Variants in CERK observed in about 807,000 individuals in gnomAD.
CERK encodes the protein acylsphingosine kinase.
CERK carries 39 observed loss-of-function variants against 63.4 expected under a neutral mutation model. The observed-to-expected ratio is 0.61, with a 90% CI of 0.48 to 0.80. The LOEUF is 0.80. CERK is among the 30% of genes least tolerant of loss of function. The pLI is 0.00. For synonymous variants in CERK, 302 were observed against 280.0 expected (o/e 1.08, Z -0.78); for missense variants, 670 against 714.1 (o/e 0.94, Z 0.70).
rs1034204387 is a variant in CERK, at chr22:46,685,263, G to A, written c.*1871C>T. 6.6e-6 allele frequency: 1 copy of A among 152,258 alleles called. No homozygotes were observed. The highest frequency in any genetic ancestry group is 6.5e-5 in the Admixed American group (1 of 15,282). 9.4% of individuals were successfully genotyped at this position (152,258 alleles called of 1,614,324 possible). A position where few individuals can be genotyped will look rare whatever the true frequency, so the allele number is the denominator to read the frequency against. ...GTTGTGTATTTTTAGTAGAGACGAG[G>A]TTTCACCATGTTGGGCAGGCTGATC... On this transcript the variant is annotated 3_prime_UTR_variant, in exon 13 of 13. Coordinates refer to ENST00000216264, the MANE Select transcript of CERK (RefSeq NM_022766.6).
At chr22:46,731,380 G>A (rs2082944654) in intron 1 of CERK, among the ~76,000 whole-genome samples, 1 of 152,226 alleles carries the variant, frequency 6.6e-6, no homozygotes, top group African/African-American at 2.4e-5. Context: ...GCAGAGGCCT[G>A]GCGGGAGCTG....
chr22:46,695,679 C>A (rs2082752635), intron 8 of CERK, among the ~76,000 whole-genome samples: 1 of 152,248 alleles, frequency 6.6e-6, no homozygotes, highest in African/African-American at 2.4e-5. Flanking sequence ...ATCCCCTCCA[C>A]CTCTTCATGA....
In CERK at chr22:46,686,678, G is replaced by C. The variant is rs1015097203; in HGVS notation, c.*456C>G. The C allele has an allele frequency of 5.2e-5, 9 of 173,538 alleles. No individual in the cohort carries two copies. The highest frequency in any genetic ancestry group is 2.1e-4 in the African/African-American group (9 of 42,040). The allele number at this position is 173,538 out of a possible 1,614,324, so 10.7% of individuals were successfully genotyped here. Reference sequence around the variant, plus strand: ...AAGAGGAAGGTGAAATGAAGGCAAAGAGAATCAACCACTTCCCAAAACTTG... The same window carrying C: ...AAGAGGAAGGTGAAATGAAGGCAAACAGAATCAACCACTTCCCAAAACTTG... On this transcript the variant is annotated 3_prime_UTR_variant, in exon 13 of 13. Coordinates refer to ENST00000216264, the MANE Select transcript of CERK (RefSeq NM_022766.6).
intron 1 of CERK, among the ~76,000 whole-genome samples, chr22:46,729,766 G>A (rs530952370): frequency 1.8e-4 from 28 of 152,242 alleles, no homozygotes; most frequent in African/African-American, 5.5e-4. Context: ...TTGGCCAGGC[G>A]CGGTGGCTCA....
intron 1 of CERK, 85 bp from the exon 2 acceptor site, chr22:46,721,100 A>G: frequency 1.1e-6 from 1 of 872,332 alleles, no homozygotes. Flanking sequence ...AGCTGAGAAT[A>G]TTCTGCTTTA....
chr22:46,730,189 G>A (rs892366542), intron 1 of CERK, among the ~76,000 whole-genome samples: 14 of 151,758 alleles, frequency 9.2e-5, no homozygotes, highest in East Asian at 3.9e-4. Flanking sequence ...AGGCCAAGGC[G>A]GGCAGATTGC....
chr22:46,686,040 C>T lies in CERK; in HGVS notation c.*1094G>A, dbSNP rs925415690. The T allele has an allele frequency of 3.9e-5, 6 of 152,302 alleles. No individual in the cohort carries two copies. Among genetic ancestry groups the T allele is most frequent in the Middle Eastern group, 3.4e-3 (1 of 294 alleles). 9.4% of individuals were successfully genotyped at this position (152,302 alleles called of 1,614,324 possible). On this transcript the variant is annotated 3_prime_UTR_variant, in exon 13 of 13. Coordinates refer to ENST00000216264, the MANE Select transcript of CERK (RefSeq NM_022766.6). ...CAATTGAGGGGTGCCCCGGGGAGCG[C>T]GGCAGGAATGCCTTCCGGGAAGAAT... is the stretch of plus-strand genomic sequence containing the variant.
chr22:46,697,262 G>A (rs1043800636), intron 8 of CERK, among the ~76,000 whole-genome samples: 2 of 152,130 alleles, frequency 1.3e-5, no homozygotes, highest in South Asian at 2.1e-4. Flanking sequence ...ACCGGGCAGC[G>A]AGAATGGCAC....
At chr22:46,715,315 A>G (rs1283762391) in intron 3 of CERK, among the ~76,000 whole-genome samples, 1 of 152,232 alleles carries the variant, frequency 6.6e-6, no homozygotes, top group Admixed American at 6.5e-5. Flanking sequence ...GTTATTATGC[A>G]CAGCTGACAT....
rs187798885 is a variant in CERK, at chr22:46,708,599, G to A, written c.570-611C>T. Reference sequence around the variant, plus strand: ...TGGGGCATGAGACAATCTAAGGAGAGGAGATGGAGAAAGGGGACAGTGGCT... The same window carrying A: ...TGGGGCATGAGACAATCTAAGGAGAAGAGATGGAGAAAGGGGACAGTGGCT... On this transcript the variant is annotated intron_variant, in intron 5 of 12. Transcript: ENST00000216264. Among the ~76,000 whole-genome samples the A allele has an allele frequency of 7.2e-5, 11 of 152,330 alleles. No individual in the cohort carries two copies. In the East Asian group the frequency reaches 2.1e-3, roughly 29 times the overall value.
intron 7 of CERK, among the ~76,000 whole-genome samples, 176 bp from the exon 8 acceptor site, chr22:46,699,641 T>C (rs1427037668): frequency 6.6e-6 from 1 of 152,242 alleles, no homozygotes; most frequent in Non-Finnish European, 1.5e-5. Flanking sequence ...CCATATTTTT[T>C]ATTCAAATGA....
At position 46,686,896 on chromosome 22, in the gene CERK, G is replaced by C; in HGVS notation, c.*238C>G. The stretch of plus-strand genomic sequence containing the variant: ...ACCTAAGAGGCCAGTGCCCCCAAGT[G>C]AGCAGCTGCATCCGCTGAGAGTAAG... On this transcript the variant is annotated 3_prime_UTR_variant, in exon 13 of 13. Transcript: ENST00000216264. 2.0e-6 allele frequency: 1 copy of C among 501,302 alleles called. No homozygotes were observed. The highest frequency in any genetic ancestry group is 3.6e-6 in the Non-Finnish European group (1 of 277,108). 31.1% of individuals were successfully genotyped at this position (501,302 alleles called of 1,614,324 possible). A position where few individuals can be genotyped will look rare whatever the true frequency, so the allele number is the denominator to read the frequency against.
chr22:46,698,809 G>C (rs1014322954), intron 8 of CERK, among the ~76,000 whole-genome samples: 2 of 152,156 alleles, frequency 1.3e-5, no homozygotes, highest in East Asian at 3.8e-4. Context: ...GCTGAGGTGG[G>C]AGAATCACTT....
chr22:46,712,378 G>C, intron 3 of CERK, 85 bp from the exon 4 acceptor site: 1 of 1,314,846 alleles, frequency 7.6e-7, no homozygotes, highest in Non-Finnish European at 1.1e-6. Context: ...CAAACCATGA[G>C]GGTTTTAGAA....
At chr22:46,695,352 A>G (rs759907770) in intron 8 of CERK, 37 bp from the exon 9 acceptor site, 13 of 1,189,344 alleles carry the variant, frequency 1.1e-5, no homozygotes, top group Admixed American at 3.4e-5. Context: ...AACATCCACA[A>G]GGGTCATTGC....
At chr22:46,693,715 T>C (rs1232870817) in intron 9 of CERK, 9 of 500,906 alleles carry the variant, frequency 1.8e-5, no homozygotes, top group Non-Finnish European at 7.3e-6. Flanking sequence ...TCTAAAAGGT[T>C]TGGACATGAG....
chr22:46,713,029 A>G (rs1363116318), intron 3 of CERK, among the ~76,000 whole-genome samples: 2 of 151,392 alleles, frequency 1.3e-5, no homozygotes, highest in African/African-American at 2.4e-5. Context: ...TATTGTTAGT[A>G]GAGATGGGGT....
At chr22:46,702,200 CA>C (rs1285335760) in intron 6 of CERK, among the ~76,000 whole-genome samples, 1 of 123,268 alleles carries the variant, frequency 8.1e-6, no homozygotes, top group South Asian at 2.6e-4. Context: ...AAAAAGGAGC[CA>C]AAAAGTTAAA....
chr22:46,709,522 A>G (rs1180759610), intron 5 of CERK, among the ~76,000 whole-genome samples: 3 of 152,218 alleles, frequency 2.0e-5, no homozygotes, highest in African/African-American at 7.2e-5. Context: ...TCTCCCTGTC[A>G]GCACCTGGGG....
Sources: gnomAD v4.1 joint callset for allele counts (sites outside exome capture counted in the v4.1 genomes callset) on GRCh38, gnomAD v4.1.1 for gene constraint, MANE v1.5 for transcripts, NCBI Gene and HGNC (gene_info 2026-07-23, HGNC 2026-07-21) for gene names.